The following CEP76 variants were observed in gnomAD, a reference collection of about 807,000 sequenced individuals.
The protein encoded by CEP76 is centrosomal protein 76.
In CEP76, 55 loss-of-function variants were observed where a neutral mutation model predicts 83.3. The observed-to-expected ratio is 0.66, with a 90% CI of 0.53 to 0.83. The LOEUF (loss-of-function observed/expected upper bound fraction) is 0.83, where lower values mean the gene tolerates loss of function less well. Among genes scored for constraint, CEP76 ranks in the 40% least tolerant of loss-of-function variants. The probability of loss-of-function intolerance (pLI) is 0.00; values close to 1 mark genes in which losing one functional copy is unlikely to be tolerated. For missense variants in CEP76, 694 were observed against 799.5 expected, an observed-to-expected ratio of 0.87 and a Z score of 1.59; for synonymous variants, 270 against 274.5, an observed-to-expected ratio of 0.98 and a Z score of 0.16.
Position 12,678,177 on chromosome 18 carries a change from T to C in CEP76, c.1555A>G (p.Ile519Val), listed in dbSNP as rs764149719. The C allele has an allele frequency of 2.5e-6, 4 of 1,614,174 alleles. No homozygotes were observed. The highest frequency in any genetic ancestry group is 2.2e-5 in the East Asian group (1 of 44,884). Residue 519 changes from isoleucine to valine, a missense_variant, in exon 10 of 12, where the codon ATT becomes GTT. Transcript: ENST00000262127. The stretch of plus-strand genomic sequence containing the variant: ...TCATTACTTGTTACTGACGCGTCAA[T>C]TGTGGATGCACACAGAGGTGGAAAG... ...PPFPPLCAST[I>V]DASVTSNEIE...
downstream of CEP76, among the ~76,000 whole-genome samples, chr18:12,671,797 T>A (rs1316889986): frequency 6.6e-6 from 1 of 152,024 alleles, no homozygotes; most frequent in Admixed American, 6.6e-5. Flanking sequence ...TGTGACACCA[T>A]GCCTAGCTAC....
intron 8 of CEP76, among the ~76,000 whole-genome samples, chr18:12,683,744 T>A (rs1244015036): frequency 6.6e-6 from 1 of 151,236 alleles, no homozygotes; most frequent in Admixed American, 6.6e-5. Flanking sequence ...AGAGGAAAAC[T>A]CTGTCTCATT....
chr18:12,673,013 A>G lies in CEP76; in HGVS notation c.*352T>C. The G allele has an allele frequency of 3.0e-6, 3 of 1,007,142 alleles. No homozygotes were observed. Among genetic ancestry groups the G allele is most frequent in the Non-Finnish European group, 3.6e-6 (3 of 844,888 alleles). 62.4% of individuals were successfully genotyped at this position (1,007,142 alleles called of 1,614,324 possible). ...GATCATACTGATTTGTCTAGGGCTC[A>G]AACCCTTAGACAAACATCTCTTTGA... On this transcript the variant is annotated 3_prime_UTR_variant, in exon 12 of 12. Transcript: ENST00000262127.
At chr18:12,662,477 C>T (rs1598600783) in intron 12 of CEP76, among the ~76,000 whole-genome samples, 3 of 152,124 alleles carry the variant, frequency 2.0e-5, no homozygotes, top group Admixed American at 2.0e-4. Flanking sequence ...TCACAGAGAG[C>T]GAGAATAAAG....
rs771435841 is a variant in CEP76 at position 12,691,507 on chromosome 18, T to G, written c.805-20A>C. 9 of 1,560,858 alleles carry G rather than the reference T, an allele frequency of 5.8e-6. No homozygotes were observed. The highest frequency in any genetic ancestry group is 7.8e-6 in the Non-Finnish European group (9 of 1,151,874). ...AGCAAGCTTGAAATTGAAAAAAATA[T>G]TTTTCAATTTCTATTCATTATCTTT... On this transcript the variant is annotated intron_variant, in intron 6 of 11. Transcript: ENST00000262127.
At chr18:12,679,066 G>C (rs776704488) in intron 9 of CEP76, 9 of 152,188 alleles carry the variant, frequency 5.9e-5, no homozygotes, top group Non-Finnish European at 1.0e-4. Flanking sequence ...GGGAGAAAGA[G>C]GACTCGGGAA....
intron 8 of CEP76, 139 bp downstream of exon 8, chr18:12,686,123 G>A: frequency 1.9e-6 from 1 of 528,328 alleles, no homozygotes; most frequent in Non-Finnish European, 3.1e-6. Flanking sequence ...GCAGTTGGTT[G>A]AATCTACAGA....
At chr18:12,667,107 A>G (rs907173688) in intron 12 of CEP76, among the ~76,000 whole-genome samples, 2 of 152,228 alleles carry the variant, frequency 1.3e-5, no homozygotes, top group Non-Finnish European at 2.9e-5. Flanking sequence ...GTGATTAAAA[A>G]AAGAAAATAT....
At chr18:12,678,487 A>G (rs12966424) in intron 9 of CEP76, 45 bp from the exon 10 acceptor site, 567,356 of 1,334,932 alleles carry the variant, frequency 0.43, 123,699 homozygotes, top group Non-Finnish European at 0.46. Flanking sequence ...TAAAAATTAA[A>G]AAGGCAGCAT....
chr18:12,676,562 A>G (rs1272595052), intron 10 of CEP76, among the ~76,000 whole-genome samples: 1 of 152,146 alleles, frequency 6.6e-6, no homozygotes, highest in Admixed American at 6.6e-5. Context: ...GGCGTGAGAC[A>G]CTGTGCCTGG....
intron 12 of CEP76, among the ~76,000 whole-genome samples, chr18:12,662,430 T>TAG (rs1250041163): frequency 6.6e-6 from 1 of 152,198 alleles, no homozygotes; most frequent in African/African-American, 2.4e-5. Context: ...CCTGACCAGC[T>TAG]CAGCTCTTTC....
downstream of CEP76, among the ~76,000 whole-genome samples, chr18:12,668,731 TTCC>T (rs1236522246): frequency 9.8e-4 from 138 of 141,538 alleles, no homozygotes; most frequent in Non-Finnish European, 1.8e-3. Flanking sequence ...ATACACTTTA[TTCC>T]TTTTTTTTTT....
At position 12,672,913 on chromosome 18, in the gene CEP76, CAATA is replaced by C. The variant is rs2144973954; in HGVS notation, c.*448_*451del. On this transcript the variant is annotated 3_prime_UTR_variant, in exon 12 of 12. Coordinates refer to ENST00000262127, the MANE Select transcript of CEP76 (RefSeq NM_024899.4). ...TCATTAACATTTATTTTCACCAATGCAATAAATAAATCTGTCATGAGGTTAATTT... is the reference window on the plus strand; with the variant it reads ...TCATTAACATTTATTTTCACCAATGCAATAAATCTGTCATGAGGTTAATTT... 6 of 983,920 alleles carry C rather than the reference CAATA, an allele frequency of 6.1e-6. No individual in the cohort carries two copies. Among genetic ancestry groups the C allele is most frequent in the Non-Finnish European group, 6.0e-6 (5 of 828,486 alleles). 60.9% of individuals were successfully genotyped at this position (983,920 alleles called of 1,614,324 possible).
chr18:12,671,195 C>T (rs2847270), downstream of CEP76: 120,920 of 151,594 alleles, frequency 0.8, 48,683 homozygotes, highest in Non-Finnish European at 0.83. Context: ...CCTCTGGCCG[C>T]AGCCTCCAAA....
downstream of CEP76, among the ~76,000 whole-genome samples, chr18:12,668,303 G>A (rs981853565): frequency 6.6e-6 from 1 of 151,018 alleles, no homozygotes; most frequent in Non-Finnish European, 1.5e-5. Flanking sequence ...CAAAAAAAGT[G>A]GATGGAGGCT....
chr18:12,674,758 G>A lies in CEP76; in HGVS notation c.1624-5C>T, dbSNP rs1199115704. Reference sequence around the variant, plus strand: ...AACAGTAGTGAGGCCAAGATCCTATGAGCAATCAAGAGAAAAAGAAAAAGT... The same window carrying A: ...AACAGTAGTGAGGCCAAGATCCTATAAGCAATCAAGAGAAAAAGAAAAAGT... On this transcript the variant is annotated splice_region_variant and splice_polypyrimidine_tract_variant and intron_variant, in intron 10 of 11. Transcript: ENST00000262127. 1 of 1,572,662 alleles carries A rather than the reference G, an allele frequency of 6.4e-7. No individual in the cohort carries two copies. Among genetic ancestry groups the A allele is most frequent in the Non-Finnish European group, 8.6e-7 (1 of 1,156,640 alleles).
rs2040197718 is a variant in CEP76, at chr18:12,702,567, C to A, written c.-19G>T. 6.3e-7 allele frequency: 1 copy of A among 1,588,330 alleles called. No individual in the cohort carries two copies. Among genetic ancestry groups the A allele is most frequent in the African/African-American group, 1.3e-5 (1 of 74,430 alleles). On this transcript the variant is annotated 5_prime_UTR_variant, in exon 1 of 12. Transcript: ENST00000262127. ...GCGACATGCTGGCAGCCGGCGTCTC[C>A]CCGCCGCTTCTCCCCGCCTCAGATG...
At chr18:12,678,538 C>G in intron 9 of CEP76, 96 bp from the exon 10 acceptor site, 2 of 721,980 alleles carry the variant, frequency 2.8e-6, no homozygotes, top group Non-Finnish European at 4.5e-6. Context: ...GCCATAACTA[C>G]TTCTCAGAAC....
intron 11 of CEP76, 53 bp downstream of exon 11, chr18:12,674,482 AC>A (rs2039050212): frequency 1.5e-6 from 2 of 1,329,984 alleles, no homozygotes; most frequent in African/African-American, 2.9e-5. Context: ...CCCCTGCCGG[AC>A]TGATCTGTAA....
Sources: gnomAD v4.1 joint callset for allele counts (sites outside exome capture counted in the v4.1 genomes callset) on GRCh38, gnomAD v4.1.1 for gene constraint, MANE v1.5 for transcripts, NCBI Gene and HGNC (gene_info 2026-07-23, HGNC 2026-07-21) for gene names.